Variants in MYO1C observed in about 807,000 individuals in gnomAD.
MYO1C encodes unconventional myosin-Ic.
A neutral mutation model predicts 150.8 loss-of-function variants in MYO1C; 104 were observed. The observed-to-expected ratio is 0.69, with a 90% CI of 0.59 to 0.81. The LOEUF is 0.81. Among genes scored for constraint, MYO1C ranks in the 30% least tolerant of loss-of-function variants. The probability of loss-of-function intolerance (pLI) is 0.00; values close to 1 mark genes in which losing one functional copy is unlikely to be tolerated. For synonymous variants in MYO1C, 663 were observed against 579.9 expected (o/e 1.14, Z -2.06); for missense variants, 1,504 against 1,435.0 (o/e 1.05, Z -0.78).
chr17:1,484,303 C>T lies in MYO1C; in HGVS notation c.76G>A (p.Ala26Thr). The part of the protein sequence containing the change: ...VVHPHRPCKL[A>T]LGSDGVRVTM... ...ACCCGAACCCCGTCACTGCCCAGGG[C>T]CTGCAGAGAATGGGCCACAGAAGAG... The change falls in exon 2 of 32, where the codon GCC (alanine) becomes ACC (threonine). Residue 26 changes from alanine (A) to threonine (T), a missense_variant and splice_region_variant. By Grantham distance (58) the Ala-to-Thr change is moderately conservative (BLOSUM62 0). Coordinates refer to ENST00000648651, the MANE Select transcript of MYO1C (RefSeq NM_001080779.2). 6.2e-7 allele frequency: 1 copy of T among 1,609,416 alleles called. No individual in the cohort carries two copies.
intron 7 of MYO1C, among the ~76,000 whole-genome samples, chr17:1,480,281 T>A (rs913356876): frequency 6.6e-6 from 1 of 151,010 alleles, no homozygotes; most frequent in African/African-American, 2.4e-5. Context: ...ACTCCGTCTC[T>A]ACTAAAACTA....
chr17:1,485,229 A>G (rs2074627187), intron 1 of MYO1C: 4 of 1,167,056 alleles, frequency 3.4e-6, no homozygotes, highest in Non-Finnish European at 4.3e-6. Flanking sequence ...CTCTTCAAAC[A>G]GGGTCTCAGG....
chr17:1,482,524 T>G lies in MYO1C; in HGVS notation c.581A>C (p.Asn194Thr). Residue 194 changes from asparagine to threonine, a missense_variant, in exon 5 of 32, where the codon AAC becomes ACC. Physicochemically the swap from Asn to Thr is moderately conservative, Grantham distance 65. Transcript: ENST00000648651. Reference sequence around the variant, plus strand: ...CATGTACTTCCCGAACCTGCTGGAGTTATCGTTCCGGAGGGTCTTGGCATT... The same window carrying G: ...CATGTACTTCCCGAACCTGCTGGAGGTATCGTTCCGGAGGGTCTTGGCATT... The part of the protein sequence containing the change: ...FGNAKTLRND[N>T]SSRFGKYMDV... The G allele has an allele frequency of 1.2e-6, 2 of 1,613,940 alleles. No homozygotes were observed. The highest frequency in any genetic ancestry group is 1.7e-6 in the Non-Finnish European group (2 of 1,179,948).
intron 17 of MYO1C, chr17:1,472,479 A>T (rs1567519859): frequency 1.9e-6 from 1 of 538,210 alleles, no homozygotes; most frequent in African/African-American, 1.9e-5. Context: ...CAGGTCTCCC[A>T]GCAACCTCAG....
At chr17:1,480,983 ACCTGGATGCCAATTCCAGC>A in intron 5 of MYO1C, 98 bp from the exon 6 acceptor site, 1 of 1,350,644 alleles carries the variant, frequency 7.4e-7, no homozygotes, top group South Asian at 1.2e-5. Flanking sequence ...TGGCAGCCAG[ACCTGGATGCCAATTCCAGC>A]CCTGCCACTA....
At chr17:1,480,134 G>A (rs1312904574) in intron 7 of MYO1C, among the ~76,000 whole-genome samples, 91 of 84,236 alleles carry the variant, frequency 1.1e-3, no homozygotes, top group Middle Eastern at 0.027. Flanking sequence ...GAAAGAGCGA[G>A]ACTCCATCTC....
chr17:1,475,402 C>A lies in MYO1C; in HGVS notation c.1575-370G>T, dbSNP rs139397561. ...CCACTACACTCCAAAAAAAAAAGAG[C>A]AGGTGCACCCCCAGGGCTGGGTCAC... On this transcript the variant is annotated intron_variant, in intron 14 of 31. Coordinates refer to ENST00000648651, the MANE Select transcript of MYO1C (RefSeq NM_001080779.2). Among the ~76,000 whole-genome samples, 512 of 151,876 alleles carry A rather than the reference C, an allele frequency of 3.4e-3. 2 individuals carry two copies. The highest frequency in any genetic ancestry group is 0.012 in the African/African-American group (481 of 41,398).
chr17:1,468,953 A>C (rs2074238473), intron 25 of MYO1C: 1 of 297,088 alleles, frequency 3.4e-6, no homozygotes, highest in African/African-American at 2.2e-5. Flanking sequence ...CAGACTTTTC[A>C]ACACAGGGTT....
In MYO1C at chr17:1,479,721, G is replaced by A. The variant is rs1364832652; in HGVS notation, c.907-16C>T. 8 of 1,578,528 alleles carry A rather than the reference G, an allele frequency of 5.1e-6. No individual in the cohort carries two copies. Among genetic ancestry groups the A allele is most frequent in the South Asian group, 3.4e-5 (3 of 87,376 alleles). ...TCAGCAGGTCCTGGGGGAGCAGGCC[G>A]GGGGCAGGAGGGGGTGAGAGGGGCC... On this transcript the variant is annotated splice_polypyrimidine_tract_variant and intron_variant, in intron 7 of 31. Coordinates refer to ENST00000648651, the MANE Select transcript of MYO1C (RefSeq NM_001080779.2). The surrounding 1 kb of genome is among the most constrained non-coding windows in gnomAD (Gnocchi z 4.2).
chr17:1,470,073 C>T, intron 24 of MYO1C, 102 bp downstream of exon 24: 2 of 1,243,658 alleles, frequency 1.6e-6, no homozygotes, highest in African/African-American at 1.5e-5. Context: ...CTGGTCCGGG[C>T]CCTCCGTGAG....
Position 1,479,583 on chromosome 17 carries a change from C to G in MYO1C, c.1020+9G>C, listed in dbSNP as rs748718203. 1 of 1,606,588 alleles carries G rather than the reference C, an allele frequency of 6.2e-7. No individual in the cohort carries two copies. The highest frequency in any genetic ancestry group is 1.7e-5 in the Admixed American group (1 of 59,694). On this transcript the variant is annotated intron_variant, in intron 8 of 31. Transcript: ENST00000648651. The surrounding 1 kb of genome is among the most constrained non-coding windows in gnomAD (Gnocchi z 4.2). ...CGTCCTCCCGTCGCCCTCTGCCCGC[C>G]CCACTCACCCTGGTCAGATACTTGA...
intron 1 of MYO1C, among the ~76,000 whole-genome samples, chr17:1,487,341 G>A (rs902005864): frequency 6.6e-6 from 1 of 152,250 alleles, no homozygotes; most frequent in African/African-American, 2.4e-5. Context: ...GACTCGCCCT[G>A]GTGGGGTTAG....
At position 1,470,339 on chromosome 17, in the gene MYO1C, G is replaced by A. The variant is rs566991256; in HGVS notation, c.2367-5C>T. Reference sequence around the variant, plus strand: ...AGGACGAAGCCTCGGATGAGCCTGGGGTGGGGGGCCAGACAGGGTTGGGGG... The same window carrying A: ...AGGACGAAGCCTCGGATGAGCCTGGAGTGGGGGGCCAGACAGGGTTGGGGG... On this transcript the variant is annotated splice_region_variant and splice_polypyrimidine_tract_variant and intron_variant, in intron 23 of 31. Transcript: ENST00000648651. 26 of 1,541,600 alleles carry A rather than the reference G, an allele frequency of 1.7e-5. 1 individual carries two copies. Among genetic ancestry groups the A allele is most frequent in the South Asian group, 8.3e-5 (7 of 83,918 alleles).
chr17:1,474,533 C>T, intron 17 of MYO1C, 77 bp downstream of exon 17: 1 of 1,492,160 alleles, frequency 6.7e-7, no homozygotes, highest in Non-Finnish European at 9.3e-7. Context: ...CGCACGCTGC[C>T]AGCTCCCAGG....
At chr17:1,468,224 T>C (rs2074221777) in intron 27 of MYO1C, 29 bp downstream of exon 27, 1 of 1,612,698 alleles carries the variant, frequency 6.2e-7, no homozygotes, top group Non-Finnish European at 8.5e-7. Context: ...ACCGTGCTGC[T>C]GGACTCAGGG....
At chr17:1,467,939 C>T (rs201745047) in intron 28 of MYO1C, 29 bp from the exon 29 acceptor site, 124 of 1,612,756 alleles carry the variant, frequency 7.7e-5, no homozygotes, top group African/African-American at 6.0e-4. Context: ...GGTCAGAGGT[C>T]GAGGGTCAGA....
At chr17:1,491,530 C>T (rs1170179254) in intron 1 of MYO1C, 1 of 735,814 alleles carries the variant, frequency 1.4e-6, no homozygotes, top group African/African-American at 1.9e-5. Context: ...TGCACGGCGG[C>T]TCCCGGCCCG....
chr17:1,474,633 T>C lies in MYO1C; in HGVS notation c.1774A>G (p.Ser592Gly). Residue 592 changes from serine (S) to glycine (G), a missense_variant, in exon 17 of 32, where the codon AGT becomes GGT. Physicochemically the swap from Ser to Gly is moderately conservative, Grantham distance 56. Transcript: ENST00000648651. ...ACCGTCTCTGGCCGCTTCTTGTCAC[T>C]GAGCTCGCTCCGGTCAAAGCACTGG... ...MSQCFDRSELSDKKRPETVAT... is the reference protein window; with the variant it reads ...MSQCFDRSELGDKKRPETVAT... 6.2e-7 allele frequency: 1 copy of C among 1,613,970 alleles called. No homozygotes were observed. Among genetic ancestry groups the C allele is most frequent in the Non-Finnish European group, 8.5e-7 (1 of 1,179,940 alleles).
intron 20 of MYO1C, 33 bp downstream of exon 20, chr17:1,471,190 T>TC: frequency 6.2e-7 from 1 of 1,613,706 alleles, no homozygotes; most frequent in Non-Finnish European, 8.5e-7. Flanking sequence ...CCACTCCCAT[T>TC]CCCCGCAGGC....
Sources: gnomAD v4.1 joint callset for allele counts (sites outside exome capture counted in the v4.1 genomes callset) on GRCh38, gnomAD v4.1.1 for gene constraint, Gnocchi (gnomAD v3.1) non-coding constraint, MANE v1.5 for transcripts, NCBI Gene and HGNC (gene_info 2026-07-23, HGNC 2026-07-21) for gene names.